ROBO1: variants seen among roughly 807,000 people sequenced by gnomAD.
ROBO1 encodes roundabout homolog 1.
In ROBO1, 149 loss-of-function variants were observed where a neutral mutation model predicts 195.9. The observed-to-expected ratio is 0.76, with a 90% CI of 0.67 to 0.87. The LOEUF is 0.87. Among genes scored for constraint, ROBO1 ranks in the 40% least tolerant of loss-of-function variants. The pLI, the probability that ROBO1 is intolerant of heterozygous loss-of-function variation, is 0.00. For missense variants in ROBO1, 1,933 were observed against 2,068.3 expected, an observed-to-expected ratio of 0.93 and a Z score of 1.27; for synonymous variants, 816 against 733.2, an observed-to-expected ratio of 1.11 and a Z score of -1.82.
intron 5 of ROBO1, among the ~76,000 whole-genome samples, chr3:78,721,577 A>G (rs1279688524): frequency 6.6e-6 from 1 of 152,198 alleles, no homozygotes; most frequent in East Asian, 1.9e-4. Flanking sequence ...AAACAAACAC[A>G]TAATTTAACA....
intron 2 of ROBO1, among the ~76,000 whole-genome samples, chr3:79,263,936 T>A (rs914998599): frequency 2.0e-5 from 3 of 152,072 alleles, no homozygotes; most frequent in Admixed American, 6.6e-5. Context: ...TCTATCCGAT[T>A]CATCATCAGG....
intron 2 of ROBO1, among the ~76,000 whole-genome samples, chr3:79,336,398 A>G (rs2034667157): frequency 6.6e-6 from 1 of 152,220 alleles, no homozygotes; most frequent in African/African-American, 2.4e-5. Flanking sequence ...CTTCAGCTCC[A>G]GCTGTGGCTG....
At chr3:79,583,970 C>T (rs1283138326) in intron 2 of ROBO1, among the ~76,000 whole-genome samples, 1 of 151,764 alleles carries the variant, frequency 6.6e-6, no homozygotes, top group Non-Finnish European at 1.5e-5. Context: ...TATAACAGAA[C>T]CCAAACCAAA....
chr3:79,247,153 T>G, intron 2 of ROBO1, among the ~76,000 whole-genome samples: 2 of 145,010 alleles, frequency 1.4e-5, no homozygotes, highest in East Asian at 2.0e-4. Flanking sequence ...GTAAGAAGTA[T>G]AATAGAGACA....
chr3:79,522,494 G>A (rs1055738061), intron 2 of ROBO1, among the ~76,000 whole-genome samples: 2 of 152,080 alleles, frequency 1.3e-5, no homozygotes, highest in African/African-American at 4.8e-5. Context: ...AAATCCTGGA[G>A]TCATCATTCC....
chr3:78,868,634 C>T (rs1010844145), intron 4 of ROBO1, among the ~76,000 whole-genome samples: 15 of 151,996 alleles, frequency 9.9e-5, no homozygotes, highest in Non-Finnish European at 2.1e-4. Flanking sequence ...TGTTAAAATC[C>T]GCATGCTAAA....
At chr3:78,945,178 T>C (rs978654759) in intron 3 of ROBO1, among the ~76,000 whole-genome samples, 28 of 152,138 alleles carry the variant, frequency 1.8e-4, no homozygotes, top group African/African-American at 6.8e-4. Flanking sequence ...GTAGTGGTTC[T>C]CCCAGCACGC....
At chr3:78,603,082 C>T (rs1293111068) in intron 29 of ROBO1, among the ~76,000 whole-genome samples, 1 of 152,124 alleles carries the variant, frequency 6.6e-6, no homozygotes, top group East Asian at 1.9e-4. Context: ...TTCTACATTT[C>T]TTGTCTGGGG....
intron 3 of ROBO1, among the ~76,000 whole-genome samples, chr3:79,072,013 C>A (rs1364985342): frequency 6.6e-6 from 1 of 151,836 alleles, no homozygotes; most frequent in African/African-American, 2.4e-5. Context: ...TAAGGGTTTA[C>A]TCCAAAGAAA....
At chr3:79,457,281 T>C (rs2039646251) in intron 2 of ROBO1, among the ~76,000 whole-genome samples, 2 of 152,316 alleles carry the variant, frequency 1.3e-5, no homozygotes, top group South Asian at 4.1e-4. Context: ...TGAATTATTA[T>C]ATAATCTGTT....
intron 1 of ROBO1, among the ~76,000 whole-genome samples, chr3:79,606,670 C>G (rs1944495846): frequency 6.6e-6 from 1 of 151,982 alleles, no homozygotes; most frequent in Non-Finnish European, 1.5e-5. Flanking sequence ...CTCCTGCCCA[C>G]TGGTGACATA....
chr3:79,732,260 C>T (rs1374988315), intron 1 of ROBO1, among the ~76,000 whole-genome samples: 2 of 151,576 alleles, frequency 1.3e-5, no homozygotes, highest in Admixed American at 6.6e-5. Flanking sequence ...ATAAAAATAT[C>T]GTTACACATG....
At chr3:79,404,882 CAAAT>C (rs1459708772) in intron 2 of ROBO1, among the ~76,000 whole-genome samples, 1 of 151,952 alleles carries the variant, frequency 6.6e-6, no homozygotes, top group Non-Finnish European at 1.5e-5. Flanking sequence ...AATAGAGTAA[CAAAT>C]AGATATGTGT....
At chr3:79,242,715 G>T (rs969712955) in intron 2 of ROBO1, among the ~76,000 whole-genome samples, 3 of 152,048 alleles carry the variant, frequency 2.0e-5, no homozygotes, top group Non-Finnish European at 4.4e-5. Context: ...TGGTTAGCAG[G>T]GGAGAAATAT....
chr3:78,916,733 T>G (rs2038621427), intron 4 of ROBO1, among the ~76,000 whole-genome samples: 1 of 152,148 alleles, frequency 6.6e-6, no homozygotes, highest in Non-Finnish European at 1.5e-5. Context: ...TTTACATTCT[T>G]TAGTCTGGTT....
intron 2 of ROBO1, among the ~76,000 whole-genome samples, chr3:79,143,755 C>T (rs907005118): frequency 2.5e-4 from 38 of 151,912 alleles, no homozygotes; most frequent in African/African-American, 8.2e-4. Context: ...AGTACAGTAT[C>T]GCAAACAGGA....
intron 2 of ROBO1, among the ~76,000 whole-genome samples, chr3:79,562,809 C>A (rs990231776): frequency 6.6e-6 from 1 of 151,852 alleles, no homozygotes; most frequent in African/African-American, 2.4e-5. Context: ...AAAGTGATAT[C>A]CATTCAAAAA....
intron 2 of ROBO1, among the ~76,000 whole-genome samples, chr3:79,502,673 A>C (rs1049247900): frequency 6.9e-6 from 1 of 145,710 alleles, no homozygotes; most frequent in Non-Finnish European, 1.5e-5. Context: ...GGGTGAGGCC[A>C]GCTGGGCTCC....
At chr3:79,063,419 A>G (rs1464932289) in intron 3 of ROBO1, among the ~76,000 whole-genome samples, 1 of 151,796 alleles carries the variant, frequency 6.6e-6, no homozygotes, top group Admixed American at 6.6e-5. Flanking sequence ...ACTTGCCCTC[A>G]AATGACTTCT....
Sources: gnomAD v4.1 joint callset for allele counts (sites outside exome capture counted in the v4.1 genomes callset) on GRCh38, gnomAD v4.1.1 for gene constraint, MANE v1.5 for transcripts, NCBI Gene and HGNC (gene_info 2026-07-23, HGNC 2026-07-21) for gene names.